The following MACROD2 variants were observed in gnomAD, a reference collection of about 807,000 sequenced individuals.
MACROD2 encodes mono-ADP ribosylhydrolase 2, also known as ADP-ribose glycohydrolase MACROD2.
Under a neutral mutation model 70.4 loss-of-function variants are expected in MACROD2, and 36 were observed. The ratio of observed to expected loss-of-function variants is 0.51; its 90% CI spans 0.39 to 0.68. MACROD2 has a LOEUF of 0.68. MACROD2 is among the 30% of genes least tolerant of loss of function. The pLI is 0.00. For synonymous variants in MACROD2, 172 were observed against 178.8 expected (o/e 0.96, Z 0.30); for missense variants, 496 against 538.4 (o/e 0.92, Z 0.78).
intron 5 of MACROD2, among the ~76,000 whole-genome samples, chr20:14,872,685 C>G (rs112966898): frequency 8.6e-5 from 13 of 151,988 alleles, no homozygotes; most frequent in African/African-American, 2.7e-4. Context: ...TGAAAATTAG[C>G]AAAAAATATA....
At chr20:16,004,400 G>A (rs77444680) in intron 15 of MACROD2, among the ~76,000 whole-genome samples, 403 of 152,256 alleles carry the variant, frequency 2.6e-3, no homozygotes, top group African/African-American at 8.3e-3. Flanking sequence ...AATGCATCCT[G>A]AGCAGCATAT....
intron 5 of MACROD2, among the ~76,000 whole-genome samples, chr20:14,701,634 C>T (rs575217701): frequency 2.0e-5 from 3 of 152,236 alleles, no homozygotes; most frequent in African/African-American, 4.8e-5. Context: ...TAGATTTTTA[C>T]GTTATAAACC....
At chr20:15,590,607 G>A (rs901755901) in intron 8 of MACROD2, among the ~76,000 whole-genome samples, 1 of 152,150 alleles carries the variant, frequency 6.6e-6, no homozygotes, top group Non-Finnish European at 1.5e-5. Flanking sequence ...TCGTGGCCAG[G>A]CACGGTGGCT....
intron 5 of MACROD2, among the ~76,000 whole-genome samples, chr20:14,725,166 C>T (rs183242513): frequency 4.9e-4 from 75 of 152,112 alleles, no homozygotes; most frequent in African/African-American, 1.7e-3. Context: ...TCCTGAGATA[C>T]GAGAGGGAGG....
chr20:14,072,671 C>A (rs1055530941), intron 2 of MACROD2, among the ~76,000 whole-genome samples: 9 of 152,164 alleles, frequency 5.9e-5, no homozygotes, highest in Non-Finnish European at 1.0e-4. Flanking sequence ...CGCAGTGGCT[C>A]ACACCTGTAT....
intron 5 of MACROD2, among the ~76,000 whole-genome samples, chr20:14,926,905 C>T (rs961107038): frequency 1.3e-5 from 2 of 152,146 alleles, no homozygotes; most frequent in African/African-American, 4.8e-5. Flanking sequence ...AATTAACTGA[C>T]ACTATAGCCT....
intron 4 of MACROD2, among the ~76,000 whole-genome samples, chr20:14,640,396 A>G (rs1477479316): frequency 6.6e-6 from 1 of 152,130 alleles, no homozygotes; most frequent in Non-Finnish European, 1.5e-5. Context: ...TCACTCAGAG[A>G]TTAGTGAAAA....
intron 12 of MACROD2, among the ~76,000 whole-genome samples, chr20:15,954,433 A>G (rs1467260915): frequency 6.6e-6 from 1 of 152,158 alleles, no homozygotes; most frequent in African/African-American, 2.4e-5. Flanking sequence ...GTGTTGCTTT[A>G]TAACACTCAC....
chr20:15,432,547 C>G (rs1241325936), intron 7 of MACROD2, among the ~76,000 whole-genome samples: 5 of 152,016 alleles, frequency 3.3e-5, no homozygotes, highest in African/African-American at 4.8e-5. Flanking sequence ...CACAAATGCC[C>G]AATAACAAAC....
At chr20:15,581,253 C>G (rs999110210) in intron 8 of MACROD2, among the ~76,000 whole-genome samples, 11 of 152,178 alleles carry the variant, frequency 7.2e-5, no homozygotes, top group Non-Finnish European at 1.2e-4. Context: ...TATTTGCAAT[C>G]CAACCATTTT....
intron 7 of MACROD2, among the ~76,000 whole-genome samples, chr20:15,489,136 A>G (rs1600485141): frequency 6.6e-6 from 1 of 152,354 alleles, no homozygotes; most frequent in East Asian, 1.9e-4. Flanking sequence ...TTTTAAATAA[A>G]TGAAAGAAAA....
chr20:15,233,817 G>A (rs1476624419), intron 6 of MACROD2, among the ~76,000 whole-genome samples: 17 of 150,120 alleles, frequency 1.1e-4, no homozygotes, highest in Admixed American at 5.3e-4. Flanking sequence ...ACCGTAAATC[G>A]TTTCAATTGA....
At chr20:14,901,758 A>AGGTT (rs2073897270) in intron 5 of MACROD2, among the ~76,000 whole-genome samples, 1 of 152,160 alleles carries the variant, frequency 6.6e-6, no homozygotes, top group Non-Finnish European at 1.5e-5. Context: ...TTTGCATCTA[A>AGGTT]TTGCCTGGAA....
chr20:15,017,226 G>C (rs1421523128), intron 5 of MACROD2, among the ~76,000 whole-genome samples: 1 of 152,142 alleles, frequency 6.6e-6, no homozygotes, highest in Non-Finnish European at 1.5e-5. Flanking sequence ...ATTCCAAACG[G>C]GAGAAATTGG....
chr20:15,227,825 T>TTTG (rs2076921656), intron 5 of MACROD2, among the ~76,000 whole-genome samples: 1 of 109,936 alleles, frequency 9.1e-6, no homozygotes, highest in South Asian at 3.1e-4. Context: ...TTTCACCTGT[T>TTTG]TTTTTTTTTT....
At chr20:14,540,556 T>C (rs1393633995) in intron 4 of MACROD2, among the ~76,000 whole-genome samples, 1 of 152,162 alleles carries the variant, frequency 6.6e-6, no homozygotes, top group African/African-American at 2.4e-5. Context: ...GGGAGCACAA[T>C]TACCTTCAAT....
chr20:15,470,620 A>G (rs1431217986), intron 7 of MACROD2, among the ~76,000 whole-genome samples: 1 of 151,512 alleles, frequency 6.6e-6, no homozygotes, highest in Non-Finnish European at 1.5e-5. Flanking sequence ...TGTGTCCACA[A>G]CCCTCATGGG....
intron 12 of MACROD2, among the ~76,000 whole-genome samples, chr20:15,952,698 C>T (rs1193437350): frequency 1.3e-5 from 2 of 152,138 alleles, no homozygotes; most frequent in African/African-American, 2.4e-5. Context: ...AAGTTGGAGC[C>T]AACAGAGCAC....
At chr20:14,263,897 A>G (rs143997534) in intron 3 of MACROD2, among the ~76,000 whole-genome samples, 12 of 150,668 alleles carry the variant, frequency 8.0e-5, no homozygotes, top group Non-Finnish European at 1.5e-4. Flanking sequence ...ACCTGAGCCC[A>G]GGAGGTCACG....
Sources: gnomAD v4.1 joint callset for allele counts (sites outside exome capture counted in the v4.1 genomes callset) on GRCh38, gnomAD v4.1.1 for gene constraint, MANE v1.5 for transcripts, NCBI Gene and HGNC (gene_info 2026-07-23, HGNC 2026-07-21) for gene names.